Variants in FRK observed in about 807,000 individuals in gnomAD.
FRK encodes tyrosine-protein kinase FRK.
A neutral mutation model predicts 56.4 loss-of-function variants in FRK; 51 were observed. The ratio of observed to expected loss-of-function variants is 0.90; its 90% CI spans 0.72 to 1.14. FRK has a LOEUF of 1.14. FRK is among the 50% of genes most tolerant of loss of function. FRK has a pLI of 0.00. For missense variants in FRK, 570 were observed against 601.4 expected (o/e 0.95, Z 0.55); for synonymous variants, 245 against 217.9 (o/e 1.12, Z -1.10).
rs114410491 is a variant in FRK, at chr6:116,037,203, T to C, written c.344+22765A>G. Among the ~76,000 whole-genome samples, 643 of 152,288 alleles carry C rather than the reference T, an allele frequency of 4.2e-3. 5 individuals are homozygous for C. Among genetic ancestry groups the C allele is most frequent in the African/African-American group, 0.015 (609 of 41,562 alleles). Reference sequence around the variant, plus strand: ...ATTTCCCATTAGCAAATATAAAAGATTTTTTATATTACTATTAAGTTGCTT... The same window carrying C: ...ATTTCCCATTAGCAAATATAAAAGACTTTTTATATTACTATTAAGTTGCTT... On this transcript the variant is annotated intron_variant, in intron 1 of 7. Coordinates refer to ENST00000606080, the MANE Select transcript of FRK (RefSeq NM_002031.3).
the FRK span, among the ~76,000 whole-genome samples, chr6:116,078,083 C>T: frequency 3.3e-4 from 51 of 152,266 alleles, no homozygotes; most frequent in South Asian, 1.0e-2. Flanking sequence ...TTGCTTGAAC[C>T]TGGGAAGCGA....
intron 1 of FRK, among the ~76,000 whole-genome samples, chr6:116,055,171 A>C (rs920897751): frequency 2.0e-5 from 3 of 152,198 alleles, no homozygotes; most frequent in Non-Finnish European, 4.4e-5. Context: ...CAAGCTCGAC[A>C]ATGGCAATCA....
At chr6:116,099,214 G>T in the FRK span, among the ~76,000 whole-genome samples, 9 of 152,116 alleles carry the variant, frequency 5.9e-5, no homozygotes, top group Admixed American at 1.3e-4. Context: ...AAGAGGTTTT[G>T]TAAGGAGAAG....
rs571503433 is a variant in FRK, at chr6:115,974,099, G to A, written c.467-5360C>T. Among the ~76,000 whole-genome samples the A allele has an allele frequency of 2.0e-5, 3 of 152,214 alleles. No homozygotes were observed. In the South Asian group the frequency reaches 6.2e-4, roughly 32 times the overall value. On this transcript the variant is annotated intron_variant, in intron 2 of 7. Transcript: ENST00000606080. ...GCTGAGATGTCTAGCAAGCCAATAG[G>A]TCTGTAATTGGAAATGATGGGAAGC...
rs200157990 is a variant in FRK at position 115,967,654 on chromosome 6, G to C, written c.696C>G (p.Asn232Lys). The C allele has an allele frequency of 8.0e-5, 129 of 1,613,354 alleles. No individual in the cohort carries two copies. The highest frequency in any genetic ancestry group is 4.3e-4 in the Admixed American group (26 of 59,940). Residue 232 changes from asparagine to lysine, a missense_variant, in exon 4 of 8, where the codon AAC becomes AAG. Transcript: ENST00000606080. ...CCAATCGCTTCAGAAGCTGTATGGA[G>C]TTGCGGTCTATCTCCCATTGGTCCA... ...KTVDQWEIDR[N>K]SIQLLKRLGS...
At chr6:115,970,283 A>G (rs2114608524) in intron 2 of FRK, among the ~76,000 whole-genome samples, 1 of 152,312 alleles carries the variant, frequency 6.6e-6, no homozygotes, top group South Asian at 2.1e-4. Context: ...CTTATCTACT[A>G]GAGTTGAACA....
chr6:116,071,465 T>C, the FRK span, among the ~76,000 whole-genome samples: 5 of 152,134 alleles, frequency 3.3e-5, no homozygotes, highest in Admixed American at 6.6e-5. Context: ...CATTCTCCAC[T>C]TTTGCCTCCA....
the FRK span, among the ~76,000 whole-genome samples, chr6:116,066,579 C>T: frequency 1.3e-5 from 2 of 152,238 alleles, no homozygotes; most frequent in South Asian, 2.1e-4. Context: ...TCAATAGCTT[C>T]CCATTGCACT....
the FRK span, among the ~76,000 whole-genome samples, chr6:116,084,836 T>C: frequency 6.6e-6 from 1 of 152,208 alleles, no homozygotes. Flanking sequence ...CAAATTAGGA[T>C]ATATCAATGA....
chr6:116,027,098 G>A (rs1776121987), intron 1 of FRK, among the ~76,000 whole-genome samples: 3 of 152,118 alleles, frequency 2.0e-5, no homozygotes, highest in Non-Finnish European at 2.9e-5. Flanking sequence ...AAAACTGTTA[G>A]ATGAATTCAA....
intron 1 of FRK, among the ~76,000 whole-genome samples, chr6:116,041,515 A>C (rs1334862084): frequency 6.6e-6 from 1 of 152,304 alleles, no homozygotes; most frequent in East Asian, 1.9e-4. Flanking sequence ...TCAACACAGA[A>C]GGTGGGTGAT....
At chr6:115,992,367 C>T (rs1337718726) in intron 2 of FRK, among the ~76,000 whole-genome samples, 1 of 151,646 alleles carries the variant, frequency 6.6e-6, no homozygotes, top group Admixed American at 6.6e-5. Context: ...GATTATTATG[C>T]TTGTCATAGT....
At chr6:115,992,763 C>G (rs1420140836) in intron 2 of FRK, among the ~76,000 whole-genome samples, 1 of 151,652 alleles carries the variant, frequency 6.6e-6, no homozygotes, top group Non-Finnish European at 1.5e-5. Flanking sequence ...TAAAGTAATA[C>G]AAACGATTAG....
In FRK at chr6:116,020,326, C is replaced by T. The variant is rs1355688953; in HGVS notation, c.345-16328G>A. Among the ~76,000 whole-genome samples the T allele has an allele frequency of 2.6e-5, 4 of 151,058 alleles. No individual in the cohort carries two copies. The South Asian group carries it at 6.2e-4, about 24-fold the overall frequency. ...TTTTGTTTTTTTTTGGAGTTTTGCT[C>T]GGACGCCCAGGCTTGAGTGCAATGG... is the stretch of plus-strand genomic sequence containing the variant. On this transcript the variant is annotated intron_variant, in intron 1 of 7. Transcript: ENST00000606080.
chr6:116,094,361 C>T, the FRK span, among the ~76,000 whole-genome samples: 1 of 152,244 alleles, frequency 6.6e-6, no homozygotes, highest in African/African-American at 2.4e-5. Flanking sequence ...TTGACTTCCT[C>T]CTGGACACTG....
chr6:116,039,594 A>T (rs1297071198), intron 1 of FRK: 1 of 789,634 alleles, frequency 1.3e-6, no homozygotes, highest in Non-Finnish European at 2.3e-6. Flanking sequence ...TGATGGTGTC[A>T]TCTGCCCCCT....
the FRK span, among the ~76,000 whole-genome samples, chr6:116,070,125 C>T: frequency 6.8e-6 from 1 of 146,328 alleles, no homozygotes; most frequent in Non-Finnish European, 1.5e-5. Flanking sequence ...AAGGAAACAG[C>T]CCATTATTTA....
intron 1 of FRK, among the ~76,000 whole-genome samples, chr6:116,040,090 G>C (rs944115410): frequency 3.3e-5 from 5 of 152,064 alleles, no homozygotes; most frequent in African/African-American, 1.2e-4. Context: ...ATGCACATGG[G>C]GGAAGTCTTA....
chr6:115,974,837 G>A (rs1199254837), intron 2 of FRK, among the ~76,000 whole-genome samples: 3 of 152,004 alleles, frequency 2.0e-5, no homozygotes, highest in Non-Finnish European at 4.4e-5. Context: ...AATCCTCAGA[G>A]CCAGCCTTCT....
Sources: allele counts gnomAD v4.1 joint callset (sites outside exome capture counted in the v4.1 genomes callset), GRCh38; gene constraint gnomAD v4.1.1; transcripts MANE v1.5; gene names NCBI Gene and HGNC (gene_info 2026-07-23, HGNC 2026-07-21).